ABCG5: variants seen among roughly 807,000 people sequenced by gnomAD.
The protein encoded by ABCG5 is ATP-binding cassette sub-family G member 5.
A neutral mutation model predicts 64.5 loss-of-function variants in ABCG5; 64 were observed. The observed-to-expected ratio is 0.99, with a 90% CI of 0.81 to 1.22. ABCG5 has a LOEUF of 1.22. ABCG5 is among the 50% of genes most tolerant of loss of function. ABCG5 has a pLI of 0.00. For missense variants in ABCG5, 908 were observed against 829.5 expected (o/e 1.09, Z -1.16); for synonymous variants, 385 against 326.3 (o/e 1.18, Z -1.94).
intron 7 of ABCG5, 76 bp downstream of exon 7, chr2:43,824,813 G>C (rs1667486347): frequency 1.9e-6 from 3 of 1,583,644 alleles, no homozygotes; most frequent in Non-Finnish European, 1.7e-6. Flanking sequence ...CACTAGACTG[G>C]TGTCATCCAG....
At chr2:43,822,582 T>A (rs1173845319) in intron 10 of ABCG5, 1 of 985,138 alleles carries the variant, frequency 1.0e-6, no homozygotes, top group Non-Finnish European at 1.2e-6. Flanking sequence ...ACATGTCATC[T>A]TGTTGGTTTG....
At chr2:43,808,606 C>T (rs1257260993), downstream of ABCG5, among the ~76,000 whole-genome samples, 2 of 152,152 alleles carry the variant, frequency 1.3e-5, no homozygotes, top group African/African-American at 4.8e-5. Flanking sequence ...TAGCCACCTC[C>T]ACTAAAATTT....
chr2:43,810,152 A>C (rs1666432539), downstream of ABCG5: 6 of 357,894 alleles, frequency 1.7e-5, no homozygotes, highest in Non-Finnish European at 2.3e-5. Context: ...TCTAAAAGGC[A>C]TTCTCAGCTG....
intron 12 of ABCG5, among the ~76,000 whole-genome samples, chr2:43,813,708 C>CTTTTTTTTTTTT (rs1558715512): frequency 2.8e-5 from 1 of 35,374 alleles, no homozygotes; most frequent in Non-Finnish European, 5.7e-5. Flanking sequence ...TTTTTTTTTT[C>CTTTTTTTTTTTT]GTTTTTTTTT....
chr2:43,813,010 G>C lies in ABCG5; in HGVS notation c.*106C>G, dbSNP rs988955530. On this transcript the variant is annotated 3_prime_UTR_variant, in exon 13 of 13. Coordinates refer to ENST00000405322, the MANE Select transcript of ABCG5 (RefSeq NM_022436.3). ...TGGAGTCTTAATGGTTAAAAGACTT[G>C]AGATGTCCTGTCAAGAAAGAAATAC... 10 of 719,264 alleles carry C rather than the reference G, an allele frequency of 1.4e-5. No individual in the cohort carries two copies. Among genetic ancestry groups the C allele is most frequent in the East Asian group, 5.3e-5 (2 of 37,508 alleles). The allele number at this position is 719,264 out of a possible 1,614,324, so 44.6% of individuals were successfully genotyped here.
chr2:43,835,693 A>T (rs1306901716), intron 2 of ABCG5, among the ~76,000 whole-genome samples: 1 of 152,142 alleles, frequency 6.6e-6, no homozygotes, highest in African/African-American at 2.4e-5. Context: ...TAGGTTATGG[A>T]GAGCTCTTAC....
chr2:43,819,481 CTTT>C (rs4148199), intron 11 of ABCG5, among the ~76,000 whole-genome samples: 1 of 143,088 alleles, frequency 7.0e-6, no homozygotes. Flanking sequence ...ATCCTGCAGG[CTTT>C]TTTTTTTTTG....
chr2:43,818,318 C>G (rs1370082380), intron 11 of ABCG5, among the ~76,000 whole-genome samples: 1 of 152,104 alleles, frequency 6.6e-6, no homozygotes, highest in Admixed American at 6.5e-5. Flanking sequence ...GTGGCGCACA[C>G]CTGTAATCCC....
At chr2:43,809,986 AG>A, downstream of ABCG5, 1 of 1,229,268 alleles carries the variant, frequency 8.1e-7, no homozygotes, top group Non-Finnish European at 1.0e-6. Context: ...TTAAAATAAA[AG>A]AATCTTCTAC....
intron 4 of ABCG5, among the ~76,000 whole-genome samples, chr2:43,829,219 T>C (rs1202358569): frequency 6.6e-6 from 1 of 152,146 alleles, no homozygotes; most frequent in Non-Finnish European, 1.5e-5. Context: ...TTTACAAAAA[T>C]CCAACCTGAT....
chr2:43,835,447 G>A (rs1668204689), intron 2 of ABCG5, among the ~76,000 whole-genome samples: 2 of 152,284 alleles, frequency 1.3e-5, no homozygotes, highest in Admixed American at 1.3e-4. Flanking sequence ...GAAGCACACT[G>A]TATTTATCAA....
chr2:43,827,764 C>T (rs574249946), intron 5 of ABCG5, among the ~76,000 whole-genome samples: 13 of 152,266 alleles, frequency 8.5e-5, no homozygotes, highest in Middle Eastern at 3.4e-3. Flanking sequence ...GCAACGCTTC[C>T]GGGTCCAGGA....
chr2:43,829,151 C>T (rs994197081), intron 4 of ABCG5, among the ~76,000 whole-genome samples: 25 of 152,122 alleles, frequency 1.6e-4, no homozygotes, highest in Admixed American at 1.2e-3. Context: ...ATTACAATAT[C>T]GCTTACTTTC....
At chr2:43,816,975 G>C (rs1404252406) in intron 11 of ABCG5, among the ~76,000 whole-genome samples, 2 of 152,112 alleles carry the variant, frequency 1.3e-5, no homozygotes, top group Non-Finnish European at 2.9e-5. Flanking sequence ...AAAGAGAAGG[G>C]AGCCAACAGC....
rs767521329 is a variant in ABCG5, at chr2:43,826,374, C to T, written c.774+8G>A. ...ATAGACCCGGCCTTTACGAGTTGAA[C>T]CTCTTACCTGAAAAAGCTCAGAACG... On this transcript the variant is annotated splice_region_variant and intron_variant, in intron 6 of 12. Transcript: ENST00000405322. The T allele has an allele frequency of 1.2e-6, 2 of 1,613,934 alleles. No homozygotes were observed. The highest frequency in any genetic ancestry group is 2.2e-5 in the East Asian group (1 of 44,878).
intron 10 of ABCG5, among the ~76,000 whole-genome samples, chr2:43,820,986 A>G (rs889491285): frequency 1.3e-5 from 2 of 151,946 alleles, no homozygotes; most frequent in Non-Finnish European, 2.9e-5. Context: ...AAACCACCCT[A>G]TATCCATGCA....
chr2:43,816,106 G>A (rs1489730753), intron 11 of ABCG5, among the ~76,000 whole-genome samples: 1 of 152,086 alleles, frequency 6.6e-6, no homozygotes, highest in East Asian at 1.9e-4. Flanking sequence ...ATGCACCTAT[G>A]GTTTGATATC....
chr2:43,831,886 T>A lies in ABCG5; in HGVS notation c.403-19A>T, dbSNP rs763435766. On this transcript the variant is annotated intron_variant, in intron 3 of 12. Coordinates refer to ENST00000405322, the MANE Select transcript of ABCG5 (RefSeq NM_022436.3). ...TGTCGCTCTGCAGGAGACTCGGGCG[T>A]CAGTGTAGCCTAAGCCCCCGGGGCG... The A allele has an allele frequency of 7.4e-6, 11 of 1,493,108 alleles. No homozygotes were observed. The highest frequency in any genetic ancestry group is 9.9e-6 in the Non-Finnish European group (11 of 1,110,008). 92.5% of individuals were successfully genotyped at this position (1,493,108 alleles called of 1,614,324 possible). A position where few individuals can be genotyped will look rare whatever the true frequency, so the allele number is the denominator to read the frequency against.
At chr2:43,821,686 C>A (rs527775338) in intron 10 of ABCG5, among the ~76,000 whole-genome samples, 2 of 152,116 alleles carry the variant, frequency 1.3e-5, no homozygotes, top group African/African-American at 2.4e-5. Flanking sequence ...GGCCCCTGGA[C>A]CCCTAAGATT....
Sources: gnomAD v4.1 joint callset for allele counts (sites outside exome capture counted in the v4.1 genomes callset) on GRCh38, gnomAD v4.1.1 for gene constraint, MANE v1.5 for transcripts, NCBI Gene and HGNC (gene_info 2026-07-23, HGNC 2026-07-21) for gene names.